METTL25: variants seen among roughly 807,000 people sequenced by gnomAD.
METTL25 encodes the protein probable methyltransferase-like protein 25.
METTL25 carries 64 observed loss-of-function variants against 71.6 expected under a neutral mutation model. The observed-to-expected ratio is 0.89, with a 90% CI of 0.73 to 1.10. METTL25 has a LOEUF of 1.10. Among genes scored for constraint, METTL25 ranks in the 50% least tolerant of loss-of-function variants. METTL25 has a pLI of 0.00. For missense variants in METTL25, 807 were observed against 707.0 expected (o/e 1.14, Z -1.60); for synonymous variants, 287 against 250.3 (o/e 1.15, Z -1.38).
At chr12:82,426,006 A>T (rs1304143602) in intron 5 of METTL25, among the ~76,000 whole-genome samples, 2 of 152,098 alleles carry the variant, frequency 1.3e-5, no homozygotes, top group Non-Finnish European at 2.9e-5. Context: ...CTGATAAAGG[A>T]TGATTAATGC....
intron 1 of METTL25, among the ~76,000 whole-genome samples, chr12:82,369,025 T>A (rs547079275): frequency 6.6e-6 from 1 of 152,350 alleles, no homozygotes; most frequent in Non-Finnish European, 1.5e-5. Flanking sequence ...ACCCTTAAAC[T>A]GTATACTTTA....
At chr12:82,384,902 G>A (rs1310437685) in intron 1 of METTL25, among the ~76,000 whole-genome samples, 1 of 152,074 alleles carries the variant, frequency 6.6e-6, no homozygotes, top group African/African-American at 2.4e-5. Context: ...CAAAATTGCT[G>A]CCTTGGAGCT....
At chr12:82,441,043 C>A (rs1890282647) in intron 8 of METTL25, among the ~76,000 whole-genome samples, 1 of 151,994 alleles carries the variant, frequency 6.6e-6, no homozygotes, top group Admixed American at 6.6e-5. Context: ...AGTTCGAGTT[C>A]ATGGTCTGGT....
intron 5 of METTL25, among the ~76,000 whole-genome samples, chr12:82,422,017 A>C (rs1184975148): frequency 6.6e-6 from 1 of 152,186 alleles, no homozygotes; most frequent in Non-Finnish European, 1.5e-5. Context: ...AATCAACAGA[A>C]AAAGAGGGAA....
At chr12:82,417,522 A>G (rs1033971314) in intron 5 of METTL25, among the ~76,000 whole-genome samples, 1 of 152,206 alleles carries the variant, frequency 6.6e-6, no homozygotes, top group Non-Finnish European at 1.5e-5. Context: ...ATGCACCTAC[A>G]TATACAAATG....
chr12:82,424,392 G>A (rs983147656), intron 5 of METTL25, among the ~76,000 whole-genome samples: 1 of 152,012 alleles, frequency 6.6e-6, no homozygotes, highest in African/African-American at 2.4e-5. Context: ...GTTGTGGGGT[G>A]GGGGAAGGGG....
chr12:82,438,060 C>A (rs947771894), intron 7 of METTL25, among the ~76,000 whole-genome samples: 8 of 151,590 alleles, frequency 5.3e-5, no homozygotes, highest in African/African-American at 1.9e-4. Flanking sequence ...TTCATTGGAG[C>A]CCTTCTCTTC....
Position 82,389,811 on chromosome 12 carries a change from A to G in METTL25, c.425-5A>G, listed in dbSNP as rs369502472. ...AATAGCAGTTTTTACTTTTATTTTCATTAGGTGAAAATCAGAAGGCAGTTG... is the reference window on the plus strand; with the variant it reads ...AATAGCAGTTTTTACTTTTATTTTCGTTAGGTGAAAATCAGAAGGCAGTTG... On this transcript the variant is annotated splice_region_variant and splice_polypyrimidine_tract_variant and intron_variant, in intron 2 of 11. Transcript: ENST00000248306. The G allele has an allele frequency of 1.3e-5, 21 of 1,561,692 alleles. No homozygotes were observed. The African/African-American group carries it at 1.9e-4, about 14-fold the overall frequency.
At chr12:82,444,226 G>A (rs1040952474) in intron 8 of METTL25, among the ~76,000 whole-genome samples, 1 of 152,124 alleles carries the variant, frequency 6.6e-6, no homozygotes, top group African/African-American at 2.4e-5. Flanking sequence ...ACTTCTCAGT[G>A]GAAAATTCAG....
chr12:82,464,541 A>C (rs1252834983), intron 9 of METTL25, among the ~76,000 whole-genome samples: 1 of 152,040 alleles, frequency 6.6e-6, no homozygotes, highest in Non-Finnish European at 1.5e-5. Context: ...GAAGTCTAGT[A>C]GTATGATGCT....
At chr12:82,453,115 A>G (rs1362071534) in intron 8 of METTL25, among the ~76,000 whole-genome samples, 4 of 152,218 alleles carry the variant, frequency 2.6e-5, no homozygotes, top group Non-Finnish European at 4.4e-5. Context: ...GAGTTTGGGC[A>G]ATAAGTCTAG....
chr12:82,389,312 G>A (rs1227175598), intron 2 of METTL25, among the ~76,000 whole-genome samples: 1 of 152,044 alleles, frequency 6.6e-6, no homozygotes, highest in Non-Finnish European at 1.5e-5. Flanking sequence ...TTTGATTTTA[G>A]TGTAAATTGC....
intron 9 of METTL25, chr12:82,459,899 T>G (rs1310098267): frequency 6.6e-6 from 1 of 152,234 alleles, no homozygotes; most frequent in African/African-American, 2.4e-5. Flanking sequence ...TACTAATCTT[T>G]GGATAACTTC....
intron 1 of METTL25, among the ~76,000 whole-genome samples, chr12:82,384,923 G>A (rs1884824713): frequency 6.6e-6 from 1 of 152,058 alleles, no homozygotes; most frequent in South Asian, 2.1e-4. Context: ...TGGGGATGTT[G>A]AGACTCCCCT....
intron 9 of METTL25, among the ~76,000 whole-genome samples, chr12:82,461,811 C>A (rs914027134): frequency 7.2e-5 from 11 of 152,130 alleles, no homozygotes; most frequent in Admixed American, 7.2e-4. Context: ...ACAAAACTGA[C>A]CAAATGTATG....
chr12:82,405,132 G>C (rs554033028), intron 5 of METTL25, among the ~76,000 whole-genome samples: 1 of 152,184 alleles, frequency 6.6e-6, no homozygotes, highest in East Asian at 1.9e-4. Context: ...TCAGACCCTA[G>C]CAGCCATCAC....
At chr12:82,467,436 T>G (rs1049061597) in intron 9 of METTL25, among the ~76,000 whole-genome samples, 1 of 152,134 alleles carries the variant, frequency 6.6e-6, no homozygotes, top group Non-Finnish European at 1.5e-5. Flanking sequence ...AAGACTCATT[T>G]GAGTACTTTT....
rs1182851969 is a variant in METTL25, at chr12:82,399,115, T to C, written c.852T>C (p.Ser284=). Residue 284 remains serine (S), a synonymous_variant, in exon 4 of 12, where the codon TCT becomes TCC. Transcript: ENST00000248306. ...CTATTTTGCCTGATTTTTCTGGCTC[T>C]GTAATTTCTAATATCAGAAACCAAA... The part of the protein sequence containing the change: ...TSAILPDFSG[S]VISNIRNQME... 14 of 1,613,686 alleles carry C rather than the reference T, an allele frequency of 8.7e-6. No homozygotes were observed. Among genetic ancestry groups the C allele is most frequent in the Non-Finnish European group, 1.1e-5 (13 of 1,179,866 alleles).
intron 8 of METTL25, among the ~76,000 whole-genome samples, chr12:82,454,012 G>T (rs1464042759): frequency 6.6e-6 from 1 of 152,002 alleles, no homozygotes; most frequent in Non-Finnish European, 1.5e-5. Flanking sequence ...TTTATAAGTG[G>T]TATACATGTC....
Sources: gnomAD v4.1 joint callset for allele counts (sites outside exome capture counted in the v4.1 genomes callset) on GRCh38, gnomAD v4.1.1 for gene constraint, MANE v1.5 for transcripts, NCBI Gene and HGNC (gene_info 2026-07-23, HGNC 2026-07-21) for gene names.